RYR2: variants seen among roughly 807,000 people sequenced by gnomAD.
The protein encoded by RYR2 is cardiac muscle ryanodine receptor-calcium release channel.
RYR2 carries 227 observed loss-of-function variants against 601.1 expected under a neutral mutation model. The ratio of observed to expected loss-of-function variants is 0.38; its 90% CI spans 0.34 to 0.42. The LOEUF (loss-of-function observed/expected upper bound fraction) is 0.42, where lower values mean the gene tolerates loss of function less well. Among genes scored for constraint, RYR2 ranks in the 10% least tolerant of loss-of-function variants. The pLI is 1.00. For missense variants in RYR2, 4,646 were observed against 6,156.5 expected (o/e 0.75, Z 8.21); for synonymous variants, 2,223 against 2,175.1 (o/e 1.02, Z -0.61).
At chr1:237,208,790 C>T (rs1028065388) in intron 1 of RYR2, among the ~76,000 whole-genome samples, 8 of 151,316 alleles carry the variant, frequency 5.3e-5, no homozygotes, top group Admixed American at 4.0e-4. Flanking sequence ...AGGGACCCAC[C>T]CTACTGTACA....
chr1:237,206,664 G>A (rs1051045363), intron 1 of RYR2, among the ~76,000 whole-genome samples: 2 of 152,108 alleles, frequency 1.3e-5, no homozygotes, highest in Non-Finnish European at 2.9e-5. Context: ...ATGTAGATAT[G>A]CTTTAATTTA....
intron 48 of RYR2, 22 bp from the exon 49 acceptor site, chr1:237,648,422 A>G: frequency 1.9e-6 from 3 of 1,580,128 alleles, no homozygotes; most frequent in Non-Finnish European, 2.6e-6. Context: ...CATTGACACC[A>G]AAATTCACTT....
At chr1:237,399,778 A>C (rs1159079839) in intron 10 of RYR2, among the ~76,000 whole-genome samples, 3 of 152,078 alleles carry the variant, frequency 2.0e-5, no homozygotes. Flanking sequence ...GGAGGTACAG[A>C]AGTGGAGTGT....
intron 1 of RYR2, among the ~76,000 whole-genome samples, chr1:237,158,086 G>A (rs951180162): frequency 6.6e-6 from 1 of 152,152 alleles, no homozygotes; most frequent in Non-Finnish European, 1.5e-5. Flanking sequence ...CTTAAAAAAT[G>A]GAAATAAAAG....
At chr1:237,047,486 C>G (rs1439774807) in intron 1 of RYR2, among the ~76,000 whole-genome samples, 7 of 151,534 alleles carry the variant, frequency 4.6e-5, no homozygotes, top group African/African-American at 1.5e-4. Context: ...GTCTTTGACC[C>G]GGATACCTTA....
chr1:237,584,940 C>T (rs1050565552), intron 29 of RYR2, among the ~76,000 whole-genome samples: 2 of 151,852 alleles, frequency 1.3e-5, no homozygotes, highest in African/African-American at 4.8e-5. Context: ...AGGGTCTCGC[C>T]ATGTTGCCCA....
At chr1:237,366,687 C>T (rs1700223269) in intron 5 of RYR2, among the ~76,000 whole-genome samples, 1 of 136,748 alleles carries the variant, frequency 7.3e-6, no homozygotes, top group South Asian at 2.1e-4. Context: ...CACACACACA[C>T]ACACACACAC....
At chr1:237,594,886 G>GTTTTTTTTGTTTTTGTTT (rs1675642723) in intron 33 of RYR2, among the ~76,000 whole-genome samples, 9 of 60,388 alleles carry the variant, frequency 1.5e-4, no homozygotes, top group African/African-American at 7.6e-4. Flanking sequence ...ATATCACTGG[G>GTTTTTTTTGTTTTTGTTT]TTTTTTTTTT....
chr1:237,610,726 C>G lies in RYR2; in HGVS notation c.4684-36C>G. 6.6e-7 allele frequency: 1 copy of G among 1,513,268 alleles called. No homozygotes were observed. The highest frequency in any genetic ancestry group is 1.2e-5 in the South Asian group (1 of 82,700). The allele number at this position is 1,513,268 out of a possible 1,614,324, so 93.7% of individuals were successfully genotyped here. A position where few individuals can be genotyped will look rare whatever the true frequency, so the allele number is the denominator to read the frequency against. ...TACTTTGTGAACCCCAAGGGATGTT[C>G]TACATTTATTCTTTTTCTGCCTCCC... On this transcript the variant is annotated intron_variant, in intron 35 of 104. Coordinates refer to ENST00000366574, the MANE Select transcript of RYR2 (RefSeq NM_001035.3). This position sits in a 1 kb window ranked among gnomAD's most constrained non-coding sequence, Gnocchi z 4.9.
intron 2 of RYR2, among the ~76,000 whole-genome samples, chr1:237,291,558 C>A (rs949914127): frequency 2.0e-5 from 3 of 152,002 alleles, no homozygotes; most frequent in African/African-American, 7.2e-5. Flanking sequence ...AGTAGGTGAA[C>A]AAATAAACTG....
intron 16 of RYR2, among the ~76,000 whole-genome samples, chr1:237,458,673 C>T (rs1027126513): frequency 2.0e-5 from 3 of 150,938 alleles, no homozygotes; most frequent in East Asian, 3.9e-4. Flanking sequence ...GTATTCATTA[C>T]GTGACTAAGT....
rs1276892882 is a variant in RYR2, at chr1:237,614,743, A to C, written c.5615A>C (p.Asp1872Ala). 1.9e-6 allele frequency: 3 copies of C among 1,613,886 alleles called. No homozygotes were observed. Among genetic ancestry groups the C allele is most frequent in the Non-Finnish European group, 2.5e-6 (3 of 1,179,790 alleles). ...DTLEKELSVD[D>A]AKLQGAGEEE... ...CTGGAGAAAGAGCTCAGTGTGGACG[A>C]TGCAAAGCTGCAAGGAGCTGGTGAG... The change falls in exon 37 of 105, where the codon GAT becomes GCT. Residue 1872 changes from aspartate to alanine, a missense_variant. By Grantham distance (126) the Asp-to-Ala change is moderately radical. Coordinates refer to ENST00000366574, the MANE Select transcript of RYR2 (RefSeq NM_001035.3). This position sits in a 1 kb window ranked among gnomAD's most constrained non-coding sequence, Gnocchi z 4.3.
At chr1:237,138,878 G>A (rs901467785) in intron 1 of RYR2, among the ~76,000 whole-genome samples, 1 of 152,206 alleles carries the variant, frequency 6.6e-6, no homozygotes, top group African/African-American at 2.4e-5. Context: ...CAGAATGACT[G>A]TAATAAAGGC....
chr1:237,606,988 AGTTCAACCATTGTGGAAGACAGT>A (rs888348515), intron 35 of RYR2, among the ~76,000 whole-genome samples: 6 of 152,250 alleles, frequency 3.9e-5, no homozygotes, highest in Non-Finnish European at 7.3e-5. Flanking sequence ...ACTGTAAACT[AGTTCAACCATTGTGGAAGACAGT>A]GTGGCGATTC....
intron 1 of RYR2, among the ~76,000 whole-genome samples, chr1:237,270,099 T>C (rs1689530259): frequency 6.6e-6 from 1 of 152,346 alleles, no homozygotes; most frequent in Middle Eastern, 3.4e-3. Flanking sequence ...TTAGAATCTG[T>C]TCCGTTCTTG....
intron 101 of RYR2, among the ~76,000 whole-genome samples, chr1:237,820,840 A>AG (rs34445588): frequency 0.26 from 39,885 of 151,846 alleles, 5,688 homozygotes; most frequent in East Asian, 0.61. Flanking sequence ...TGGTGGAGGG[A>AG]GGGCATCTGC....
intron 98 of RYR2, among the ~76,000 whole-genome samples, chr1:237,805,143 C>A (rs1440771378): frequency 6.6e-6 from 1 of 152,272 alleles, no homozygotes; most frequent in Middle Eastern, 3.4e-3. Flanking sequence ...ATAAATGTTT[C>A]TCTGTCGGAG....
Position 237,387,331 on chromosome 1 carries a change from G to T in RYR2, c.627G>T (p.Gln209His). ...TACACGTGGATGCCGCTTTCCAGCA[G>T]ACTCTCTGGAGCGTGGCCCCAATCA... The part of the protein sequence containing the change: ...GSLHVDAAFQ[Q>H]TLWSVAPISS... The change falls in exon 9 of 105, where the codon CAG becomes CAT. Residue 209 changes from glutamine to histidine, a missense_variant. This residue lies in a region of RYR2 where 87 missense variants were observed against 144.7 expected (regional missense o/e 0.60). Transcript: ENST00000366574. 1 of 1,614,026 alleles carries T rather than the reference G, an allele frequency of 6.2e-7. No individual in the cohort carries two copies. Among genetic ancestry groups the T allele is most frequent in the African/African-American group, 1.3e-5 (1 of 75,072 alleles).
At chr1:237,365,402 G>A (rs1346454699) in intron 5 of RYR2, among the ~76,000 whole-genome samples, 1 of 152,188 alleles carries the variant, frequency 6.6e-6, no homozygotes, top group Non-Finnish European at 1.5e-5. Context: ...TTCACTACCA[G>A]TGCGAATTCG....
Sources: gnomAD v4.1 joint callset for allele counts (sites outside exome capture counted in the v4.1 genomes callset) on GRCh38, gnomAD v4.1.1 for gene constraint, gnomAD v4.1.1 regional missense constraint, Gnocchi (gnomAD v3.1) non-coding constraint, MANE v1.5 for transcripts, NCBI Gene and HGNC (gene_info 2026-07-23, HGNC 2026-07-21) for gene names.